The following CCDC30 variants were observed in gnomAD, a reference collection of about 807,000 sequenced individuals.
CCDC30 encodes the protein coiled-coil domain containing 30, also known as coiled-coil domain-containing protein 30.
In CCDC30, 70 loss-of-function variants were observed where a neutral mutation model predicts 100.2. That is an observed-to-expected ratio of 0.70 (90% CI 0.58 to 0.85). The LOEUF is 0.85. Ranked by LOEUF, CCDC30 falls within the 40% of genes least tolerant of loss-of-function variation. The pLI, the probability that CCDC30 is intolerant of heterozygous loss-of-function variation, is 0.00. For missense variants in CCDC30, 652 were observed against 771.2 expected (o/e 0.85, Z 1.83); for synonymous variants, 233 against 269.5 (o/e 0.86, Z 1.33).
At chr1:42,490,390 C>T (rs1264552886) in intron 4 of CCDC30, among the ~76,000 whole-genome samples, 161 bp downstream of exon 4, 1 of 150,602 alleles carries the variant, frequency 6.6e-6, no homozygotes, top group Non-Finnish European at 1.5e-5. Flanking sequence ...AATGCAAGAC[C>T]GCATCTCAAA....
chr1:42,554,292 T>TG (rs1259187883), intron 6 of CCDC30, among the ~76,000 whole-genome samples: 6 of 135,782 alleles, frequency 4.4e-5, no homozygotes, highest in African/African-American at 1.5e-4. Context: ...TTTTTTTTTT[T>TG]GTGGAGACAG....
intron 1 of CCDC30, among the ~76,000 whole-genome samples, chr1:42,465,717 A>T (rs1473558893): frequency 6.6e-6 from 1 of 152,154 alleles, no homozygotes; most frequent in Non-Finnish European, 1.5e-5. Flanking sequence ...CCCCTGTGAG[A>T]CATTTGGCAA....
At chr1:42,520,898 C>T (rs1217806714) in intron 6 of CCDC30, among the ~76,000 whole-genome samples, 3 of 151,744 alleles carry the variant, frequency 2.0e-5, no homozygotes, top group African/African-American at 7.2e-5. Context: ...CCACCTGCCT[C>T]AGCCTCCCAA....
intron 1 of CCDC30, among the ~76,000 whole-genome samples, chr1:42,474,522 T>C (rs1422886880): frequency 6.6e-6 from 1 of 152,212 alleles, no homozygotes; most frequent in African/African-American, 2.4e-5. Flanking sequence ...ATTCCTATGT[T>C]CCTTCTATAC....
chr1:42,484,688 G>C (rs1382757304), intron 3 of CCDC30, among the ~76,000 whole-genome samples: 2 of 152,298 alleles, frequency 1.3e-5, no homozygotes, highest in East Asian at 3.9e-4. Context: ...TTATATGACA[G>C]TGTTTCCCAA....
chr1:42,607,146 G>A (rs1292956739), intron 10 of CCDC30, among the ~76,000 whole-genome samples: 1 of 152,174 alleles, frequency 6.6e-6, no homozygotes, highest in African/African-American at 2.4e-5. Flanking sequence ...GCAGCTACTA[G>A]GGAAGCCGAG....
At chr1:42,502,785 T>C (rs1345827526) in intron 6 of CCDC30, among the ~76,000 whole-genome samples, 1 of 152,248 alleles carries the variant, frequency 6.6e-6, no homozygotes, top group African/African-American at 2.4e-5. Context: ...AGTGGAACCA[T>C]ACAATATGTG....
upstream of CCDC30, chr1:42,459,893 T>C (rs2148421903): frequency 6.2e-7 from 1 of 1,612,902 alleles, no homozygotes; most frequent in Non-Finnish European, 8.5e-7. Context: ...ATCTTCAGTC[T>C]CGACACACAG....
chr1:42,592,999 A>G (rs1387304127), intron 10 of CCDC30: 1 of 152,168 alleles, frequency 6.6e-6, no homozygotes, highest in Non-Finnish European at 1.5e-5. Context: ...ACAACTTCTG[A>G]CACCAGTTAT....
intron 6 of CCDC30, 44 bp downstream of exon 10, chr1:42,556,449 G>C (rs1208707019): frequency 5.9e-6 from 9 of 1,534,150 alleles, no homozygotes; most frequent in Non-Finnish European, 7.9e-6. Flanking sequence ...CGTTTCCTCT[G>C]ATTGGCTGTG....
At chr1:42,501,899 G>A (rs1346826108) in intron 6 of CCDC30, among the ~76,000 whole-genome samples, 2 of 151,752 alleles carry the variant, frequency 1.3e-5, no homozygotes, top group Admixed American at 6.6e-5. Context: ...CTACTCAGGT[G>A]TCAGGGACCC....
intron 7 of CCDC30, among the ~76,000 whole-genome samples, chr1:42,575,516 G>A (rs1645814937): frequency 6.6e-6 from 1 of 151,816 alleles, no homozygotes; most frequent in Non-Finnish European, 1.5e-5. Flanking sequence ...TGGGCATGGT[G>A]GCGGGTGCCT....
chr1:42,625,516 C>T (rs542319070), intron 11 of CCDC30, among the ~76,000 whole-genome samples: 1 of 151,980 alleles, frequency 6.6e-6, no homozygotes, highest in Admixed American at 6.6e-5. Context: ...TATAAACTTA[C>T]TGCTTTTGCT....
At chr1:42,614,378 C>A (rs1646685310) in intron 11 of CCDC30, among the ~76,000 whole-genome samples, 1 of 151,744 alleles carries the variant, frequency 6.6e-6, no homozygotes, top group African/African-American at 2.4e-5. Context: ...CCGCACCTGG[C>A]CAATATTCTT....
chr1:42,528,083 C>G (rs1644750016), intron 6 of CCDC30, among the ~76,000 whole-genome samples: 1 of 152,098 alleles, frequency 6.6e-6, no homozygotes, highest in Admixed American at 6.6e-5. Flanking sequence ...CCAGGCTGGT[C>G]TCGAACTCCT....
At chr1:42,518,556 G>A (rs771374823) in intron 6 of CCDC30, among the ~76,000 whole-genome samples, 5 of 152,100 alleles carry the variant, frequency 3.3e-5, no homozygotes, top group Non-Finnish European at 4.4e-5. Context: ...ATTTAATACA[G>A]TAACATGCTG....
chr1:42,456,763 T>C, the CCDC30 span: 1 of 1,612,296 alleles, frequency 6.2e-7, no homozygotes, highest in Non-Finnish European at 8.5e-7. Context: ...GGCGGCGCGG[T>C]GCAACCTCGG....
chr1:42,545,685 G>T, intron 6 of CCDC30, 106 bp downstream of exon 9: 1 of 974,322 alleles, frequency 1.0e-6, no homozygotes, highest in Middle Eastern at 2.6e-4. Context: ...AGTGGCTTAA[G>T]TCTGTAATCC....
At chr1:42,643,133 A>G (rs986708740) in intron 13 of CCDC30, among the ~76,000 whole-genome samples, 3 of 152,248 alleles carry the variant, frequency 2.0e-5, no homozygotes, top group Non-Finnish European at 4.4e-5. Context: ...AATGTCACCA[A>G]TAATAACTGG....
Sources: gnomAD v4.1 joint callset for allele counts (sites outside exome capture counted in the v4.1 genomes callset) on GRCh38, gnomAD v4.1.1 for gene constraint, MANE v1.5 for transcripts, NCBI Gene and HGNC (gene_info 2026-07-23, HGNC 2026-07-21) for gene names.